ITGA8: variants seen among roughly 807,000 people sequenced by gnomAD.
The protein encoded by ITGA8 is integrin alpha-8.
A neutral mutation model predicts 142.3 loss-of-function variants in ITGA8; 91 were observed. That is an observed-to-expected ratio of 0.64 (90% CI 0.54 to 0.76). The LOEUF (loss-of-function observed/expected upper bound fraction) is 0.76. ITGA8 is among the 30% of genes least tolerant of loss of function. The pLI is 0.00. For synonymous variants in ITGA8, 505 were observed against 485.2 expected, an observed-to-expected ratio of 1.04 and a Z score of -0.54; for missense variants, 1,406 against 1,327.7, an observed-to-expected ratio of 1.06 and a Z score of -0.92.
chr10:15,656,178 G>A (rs562566315), intron 10 of ITGA8, among the ~76,000 whole-genome samples: 7 of 152,256 alleles, frequency 4.6e-5, no homozygotes, highest in African/African-American at 1.7e-4. Context: ...TTGTGAGTGC[G>A]CTGATGACAA....
chr10:15,581,912 A>T (rs927772301), intron 23 of ITGA8, among the ~76,000 whole-genome samples: 24 of 152,176 alleles, frequency 1.6e-4, no homozygotes, highest in African/African-American at 5.8e-4. Context: ...GGGGGGAAAA[A>T]TGGTTTTTTC....
chr10:15,664,613 C>T (rs1281219391), intron 8 of ITGA8, among the ~76,000 whole-genome samples: 1 of 151,056 alleles, frequency 6.6e-6, no homozygotes, highest in Non-Finnish European at 1.5e-5. Flanking sequence ...TGTGCTGCAC[C>T]CATTAACTCG....
intron 2 of ITGA8, among the ~76,000 whole-genome samples, chr10:15,689,824 C>A (rs947524322): frequency 6.6e-6 from 1 of 152,176 alleles, no homozygotes; most frequent in Non-Finnish European, 1.5e-5. Context: ...CCTTCATCTG[C>A]CCATCCCAGT....
At chr10:15,628,338 T>G (rs1326790864) in intron 13 of ITGA8, among the ~76,000 whole-genome samples, 2 of 130,504 alleles carry the variant, frequency 1.5e-5, no homozygotes, top group African/African-American at 5.9e-5. Context: ...TTTTTTTTTT[T>G]TTTTTTTTTT....
Position 15,549,157 on chromosome 10 carries a change from C to G in ITGA8, c.2767-589G>C, listed in dbSNP as rs986229285. On this transcript the variant is annotated intron_variant, in intron 26 of 29. Coordinates refer to ENST00000378076, the MANE Select transcript of ITGA8 (RefSeq NM_003638.3). ...CAAAAGGATTCATTATAATGACATT[C>G]TATCTATCAAATCAGATTTTCTTTC... Among the ~76,000 whole-genome samples the G allele has an allele frequency of 3.4e-5, 5 of 146,946 alleles. No homozygotes were observed. In the East Asian group the frequency reaches 9.9e-4, roughly 29 times the overall value.
At chr10:15,551,786 G>A (rs1056356933) in intron 26 of ITGA8, among the ~76,000 whole-genome samples, 7 of 152,180 alleles carry the variant, frequency 4.6e-5, no homozygotes, top group East Asian at 3.9e-4. Context: ...AATAAACTTC[G>A]CATAATCACT....
chr10:15,695,064 A>G (rs1353744355), intron 2 of ITGA8, among the ~76,000 whole-genome samples: 1 of 152,172 alleles, frequency 6.6e-6, no homozygotes. Flanking sequence ...AGTTAAAGTT[A>G]TGTAATTCTG....
intron 28 of ITGA8, among the ~76,000 whole-genome samples, chr10:15,527,649 G>A (rs1248538816): frequency 6.6e-6 from 1 of 152,044 alleles, no homozygotes; most frequent in Non-Finnish European, 1.5e-5. Flanking sequence ...AGCAGCAAAC[G>A]GGAATTGTGA....
rs372587930 is a variant in ITGA8, at chr10:15,660,864, A to G, written c.891+15T>C. On this transcript the variant is annotated intron_variant, in intron 9 of 29. Coordinates refer to ENST00000378076, the MANE Select transcript of ITGA8 (RefSeq NM_003638.3). ...AGAAAATACCCTATTCCTGTAATGCATTCTCAGTACTCACATATCCAAAAT... is the reference window on the plus strand; with the variant it reads ...AGAAAATACCCTATTCCTGTAATGCGTTCTCAGTACTCACATATCCAAAAT... The G allele has an allele frequency of 7.5e-6, 12 of 1,607,900 alleles. No homozygotes were observed. The highest frequency in any genetic ancestry group is 5.5e-5 in the South Asian group (5 of 90,942).
intron 13 of ITGA8, among the ~76,000 whole-genome samples, chr10:15,626,773 A>G (rs1371878194): frequency 1.3e-5 from 2 of 152,236 alleles, no homozygotes; most frequent in Admixed American, 6.5e-5. Context: ...AGAGAAGTCA[A>G]CATGAAGATG....
chr10:15,662,828 A>G (rs1834315066), intron 8 of ITGA8, among the ~76,000 whole-genome samples: 1 of 152,184 alleles, frequency 6.6e-6, no homozygotes, highest in African/African-American at 2.4e-5. Context: ...CAAAGTCAAC[A>G]TTCTTTCCAA....
rs141627536 is a variant in ITGA8, at chr10:15,697,388, C to T, written c.344-9350G>A. 2.0e-3 allele frequency among the ~76,000 whole-genome samples: 300 copies of T among 152,282 alleles called. 4 individuals are homozygous for T. The East Asian group carries it at 0.02, about 10-fold the overall frequency. Reference sequence around the variant, plus strand: ...AAATTGCGATTCACAAACATTACGGCACGTTTTGACACCTGTCCCCCATTC... The same window carrying T: ...AAATTGCGATTCACAAACATTACGGTACGTTTTGACACCTGTCCCCCATTC... On this transcript the variant is annotated intron_variant, in intron 2 of 29. Coordinates refer to ENST00000378076, the MANE Select transcript of ITGA8 (RefSeq NM_003638.3).
chr10:15,604,610 T>C (rs1833161982), intron 19 of ITGA8, among the ~76,000 whole-genome samples: 1 of 150,590 alleles, frequency 6.6e-6, no homozygotes, highest in African/African-American at 2.4e-5. Context: ...AGGATTGATT[T>C]ATAGCATTTT....
At chr10:15,701,869 T>C (rs140974536) in intron 2 of ITGA8, among the ~76,000 whole-genome samples, 1 of 152,348 alleles carries the variant, frequency 6.6e-6, no homozygotes, top group East Asian at 1.9e-4. Flanking sequence ...CTTAACCATT[T>C]GTTTATAATC....
intron 2 of ITGA8, among the ~76,000 whole-genome samples, chr10:15,696,802 A>C (rs1835060188): frequency 6.6e-6 from 1 of 150,576 alleles, no homozygotes; most frequent in Non-Finnish European, 1.5e-5. Context: ...GGCTACAGTA[A>C]GCTACGATAG....
chr10:15,676,980 G>A (rs1024777849), intron 6 of ITGA8, among the ~76,000 whole-genome samples: 1 of 152,186 alleles, frequency 6.6e-6, no homozygotes, highest in Non-Finnish European at 1.5e-5. Context: ...TTGCACTCCA[G>A]CCTGGGCAAC....
chr10:15,675,826 G>C (rs896989050), intron 6 of ITGA8, among the ~76,000 whole-genome samples: 1 of 152,090 alleles, frequency 6.6e-6, no homozygotes, highest in African/African-American at 2.4e-5. Context: ...GCTTAGCATG[G>C]ACTGCAAGCC....
chr10:15,565,688 C>A (rs1834066392), intron 25 of ITGA8, among the ~76,000 whole-genome samples: 1 of 137,766 alleles, frequency 7.3e-6, no homozygotes, highest in South Asian at 2.5e-4. Context: ...CTCCCGGGTT[C>A]AAGCGATTCT....
intron 12 of ITGA8, among the ~76,000 whole-genome samples, chr10:15,644,952 G>T (rs899752641): frequency 6.6e-6 from 1 of 151,652 alleles, no homozygotes; most frequent in African/African-American, 2.4e-5. Context: ...AATTAGCCTG[G>T]CGTAGTGGCG....
Sources: allele counts gnomAD v4.1 joint callset (sites outside exome capture counted in the v4.1 genomes callset), GRCh38; gene constraint gnomAD v4.1.1; transcripts MANE v1.5; gene names NCBI Gene and HGNC (gene_info 2026-07-23, HGNC 2026-07-21).